The following NUP35 variants were observed in gnomAD, a reference collection of about 807,000 sequenced individuals.
NUP35 encodes the protein nucleoporin 35, also known as nucleoporin NUP35.
A neutral mutation model predicts 41.5 loss-of-function variants in NUP35; 25 were observed. The observed-to-expected ratio is 0.60, with a 90% CI of 0.44 to 0.84. The LOEUF (loss-of-function observed/expected upper bound fraction) is 0.84. Among genes scored for constraint, NUP35 ranks in the 40% least tolerant of loss-of-function variants. The pLI, the probability that NUP35 is intolerant of heterozygous loss-of-function variation, is 0.00. For synonymous variants in NUP35, 149 were observed against 130.7 expected, an observed-to-expected ratio of 1.14 and a Z score of -0.96; for missense variants, 396 against 396.6, an observed-to-expected ratio of 1.00 and a Z score of 0.01.
rs773414832 is a variant in NUP35 at position 183,130,392 on chromosome 2, T to C, written c.212-26T>C. ...CTTACCAAAAAGAAGAATCCCTTTT[T>C]TTTTTTTTTTTTTTGTACACTGTAG... On this transcript the variant is annotated intron_variant, in intron 2 of 8. Transcript: ENST00000295119. The C allele has an allele frequency of 6.7e-6, 8 of 1,196,948 alleles. No individual in the cohort carries two copies. The East Asian group carries it at 1.6e-4, about 25-fold the overall frequency. 74.1% of individuals were successfully genotyped at this position (1,196,948 alleles called of 1,614,324 possible).
At chr2:183,159,460 C>T in intron 7 of NUP35, 28 bp from the exon 8 acceptor site, 1 of 1,587,104 alleles carries the variant, frequency 6.3e-7, no homozygotes. Flanking sequence ...TGTTTATAAA[C>T]AAAGGAGTTA....
rs766977014 is a variant in NUP35 at position 183,133,578 on chromosome 2, G to A, written c.352G>A (p.Val118Ile). The A allele has an allele frequency of 5.6e-6, 9 of 1,601,054 alleles. No homozygotes were observed. In the South Asian group the frequency reaches 9.0e-5, roughly 16 times the overall value. ...TCTGTTTGTGTAGCCAAACATTTCAGTAATGCAGAGTCCTCTTGTTGGAGT... is the reference window on the plus strand; with the variant it reads ...TCTGTTTGTGTAGCCAAACATTTCAATAATGCAGAGTCCTCTTGTTGGAGT... ...LTSRRQPNISVMQSPLVGVTS... is the reference protein window; with the variant it reads ...LTSRRQPNISIMQSPLVGVTS... Residue 118 changes from valine (V) to isoleucine (I), a missense_variant, in exon 4 of 9, where the codon GTA (valine) becomes ATA (isoleucine). Transcript: ENST00000295119.
intron 3 of NUP35, among the ~76,000 whole-genome samples, chr2:183,132,245 C>T (rs2105552235): frequency 6.6e-6 from 1 of 152,136 alleles, no homozygotes. Context: ...TGGTCTTGAA[C>T]TCCTGAGCTC....
At position 183,159,482 on chromosome 2, in the gene NUP35, C is replaced by A; in HGVS notation, c.739-6C>A. 1 of 1,609,670 alleles carries A rather than the reference C, an allele frequency of 6.2e-7. No homozygotes were observed. The highest frequency in any genetic ancestry group is 1.1e-5 in the South Asian group (1 of 90,656). On this transcript the variant is annotated splice_polypyrimidine_tract_variant and splice_region_variant and intron_variant, in intron 7 of 8. Transcript: ENST00000295119. ...AAACAAAGGAGTTATTTCTTTGTTTCTCCAGAGTGTTATGGAAAGCAGTGA... is the reference window on the plus strand; with the variant it reads ...AAACAAAGGAGTTATTTCTTTGTTTATCCAGAGTGTTATGGAAAGCAGTGA...
At chr2:183,138,269 A>ATATATATTTTTTTTTT in intron 4 of NUP35, among the ~76,000 whole-genome samples, 109 of 80,612 alleles carry the variant, frequency 1.4e-3, no homozygotes, top group African/African-American at 4.5e-3. Context: ...ATATATATAT[A>ATATATATTTTTTTTTT]TTTTTTTTTT....
intron 4 of NUP35, among the ~76,000 whole-genome samples, chr2:183,138,559 T>TA (rs1357940321): frequency 6.6e-6 from 1 of 152,032 alleles, no homozygotes; most frequent in Non-Finnish European, 1.5e-5. Flanking sequence ...GATTAAAGAA[T>TA]ATAAGAAACT....
intron 4 of NUP35, among the ~76,000 whole-genome samples, chr2:183,147,228 T>C (rs1292413228): frequency 1.3e-5 from 2 of 152,200 alleles, no homozygotes; most frequent in African/African-American, 2.4e-5. Flanking sequence ...TGTCAATCTT[T>C]GTTTTTGTTG....
At chr2:183,126,071 G>C (rs2675104) in intron 1 of NUP35, among the ~76,000 whole-genome samples, 4 of 151,606 alleles carry the variant, frequency 2.6e-5, no homozygotes, top group Admixed American at 6.6e-5. Flanking sequence ...TGACACAGCC[G>C]TGTCACCTGG....
chr2:183,148,573 A>G (rs369744851), intron 4 of NUP35, among the ~76,000 whole-genome samples: 6 of 151,994 alleles, frequency 3.9e-5, no homozygotes, highest in African/African-American at 1.4e-4. Flanking sequence ...TTTTTCATAT[A>G]CCTCTTAGCC....
In NUP35 at chr2:183,124,648, C is replaced by T. The variant is rs1700123646; in HGVS notation, c.40+151C>T. 9.1e-6 allele frequency: 9 copies of T among 988,134 alleles called. No individual in the cohort carries two copies. In the East Asian group the frequency reaches 2.3e-4, roughly 25 times the overall value. 61.2% of individuals were successfully genotyped at this position (988,134 alleles called of 1,614,324 possible). A position where few individuals can be genotyped will look rare whatever the true frequency, so the allele number is the denominator to read the frequency against. On this transcript the variant is annotated intron_variant, in intron 1 of 8. Coordinates refer to ENST00000295119, the MANE Select transcript of NUP35 (RefSeq NM_138285.5). Reference sequence around the variant, plus strand: ...GGGTGCCCCCAAGTTCATAGTCGGTCCCCTACTCGACGCGTCGCCTCCATA... The same window carrying T: ...GGGTGCCCCCAAGTTCATAGTCGGTTCCCTACTCGACGCGTCGCCTCCATA...
At chr2:183,142,871 T>C (rs1685146066) in intron 4 of NUP35, among the ~76,000 whole-genome samples, 1 of 151,314 alleles carries the variant, frequency 6.6e-6, no homozygotes, top group South Asian at 2.1e-4. Flanking sequence ...CATTCTCTTC[T>C]CTCAGCTGGG....
Position 183,136,716 on chromosome 2 carries a change from A to C in NUP35, c.397+3093A>C, listed in dbSNP as rs567630030. Among the ~76,000 whole-genome samples the C allele has an allele frequency of 2.0e-5, 3 of 152,306 alleles. No homozygotes were observed. In the East Asian group the frequency reaches 5.8e-4, roughly 29 times the overall value. ...TCAGCTGAGTAGTAACCCTAAGTTCATCTGCCAAGTTCCTTCACGGCAGTA... is the reference window on the plus strand; with the variant it reads ...TCAGCTGAGTAGTAACCCTAAGTTCCTCTGCCAAGTTCCTTCACGGCAGTA... On this transcript the variant is annotated intron_variant, in intron 4 of 8. Transcript: ENST00000295119.
chr2:183,130,789 A>G (rs1278643248), intron 3 of NUP35, among the ~76,000 whole-genome samples: 2 of 152,328 alleles, frequency 1.3e-5, no homozygotes, highest in East Asian at 3.9e-4. Flanking sequence ...GGTATGCCTT[A>G]TCCACCTGCC....
chr2:183,130,638 A>C, intron 3 of NUP35, 93 bp downstream of exon 3: 1 of 1,334,374 alleles, frequency 7.5e-7, no homozygotes, highest in Non-Finnish European at 1.0e-6. Context: ...GTTTCCCTGA[A>C]GTCTGTTTTA....
At chr2:183,155,305 GT>G (rs1685618085) in intron 5 of NUP35, among the ~76,000 whole-genome samples, 1 of 152,206 alleles carries the variant, frequency 6.6e-6, no homozygotes, top group Admixed American at 6.5e-5. Context: ...AATTCAAAAG[GT>G]ATGTAAGAAT....
chr2:183,131,632 A>T, intron 3 of NUP35, among the ~76,000 whole-genome samples: 1 of 152,340 alleles, frequency 6.6e-6, no homozygotes, highest in Non-Finnish European at 1.5e-5. Context: ...GTGGCTATTG[A>T]TACTAAAGAT....
intron 4 of NUP35, among the ~76,000 whole-genome samples, chr2:183,146,167 C>T (rs1004410595): frequency 3.3e-5 from 5 of 151,494 alleles, no homozygotes; most frequent in Admixed American, 6.6e-5. Context: ...ACCCAGGAGG[C>T]GGAGGTTGCA....
intron 7 of NUP35, among the ~76,000 whole-genome samples, chr2:183,158,731 A>G (rs943944416): frequency 5.3e-5 from 8 of 152,166 alleles, no homozygotes; most frequent in African/African-American, 1.7e-4. Flanking sequence ...TTTCTTGTGC[A>G]AAGCGATACC....
At chr2:183,144,000 C>G (rs1308702197) in intron 4 of NUP35, among the ~76,000 whole-genome samples, 2 of 152,156 alleles carry the variant, frequency 1.3e-5, no homozygotes, top group African/African-American at 2.4e-5. Flanking sequence ...GACCAGCTGT[C>G]TATAAATTAA....
Sources: gnomAD v4.1 joint callset for allele counts (sites outside exome capture counted in the v4.1 genomes callset) on GRCh38, gnomAD v4.1.1 for gene constraint, MANE v1.5 for transcripts, NCBI Gene and HGNC (gene_info 2026-07-23, HGNC 2026-07-21) for gene names.